The following ABLIM1 variants were observed in gnomAD, a reference collection of about 807,000 sequenced individuals.
The protein encoded by ABLIM1 is actin-binding LIM protein 1.
Under a neutral mutation model 107.0 loss-of-function variants are expected in ABLIM1, and 40 were observed. The ratio of observed to expected loss-of-function variants is 0.37; its 90% CI spans 0.29 to 0.49. The LOEUF (loss-of-function observed/expected upper bound fraction) is 0.49. ABLIM1 is among the 20% of genes least tolerant of loss of function. ABLIM1 has a pLI of 0.97. For missense variants in ABLIM1, 857 were observed against 1,008.5 expected (o/e 0.85, Z 2.04); for synonymous variants, 357 against 357.3 (o/e 1.00, Z 0.01).
At chr10:114,602,822 A>G (rs1223018271) in intron 1 of ABLIM1, among the ~76,000 whole-genome samples, 2 of 152,120 alleles carry the variant, frequency 1.3e-5, no homozygotes, top group African/African-American at 4.8e-5. Context: ...GCCTTCAGAG[A>G]CTAGAAGTTA....
At chr10:114,483,419 G>A (rs2057685725) in intron 8 of ABLIM1, among the ~76,000 whole-genome samples, 1 of 152,004 alleles carries the variant, frequency 6.6e-6, no homozygotes, top group Non-Finnish European at 1.5e-5. Flanking sequence ...ATACAGGCAC[G>A]CACCACCATC....
chr10:114,522,489 G>A (rs2063900751), intron 6 of ABLIM1, among the ~76,000 whole-genome samples: 1 of 152,208 alleles, frequency 6.6e-6, no homozygotes, highest in Non-Finnish European at 1.5e-5. Context: ...TTTCAAGTAT[G>A]TTTATTTGGA....
intron 1 of ABLIM1, among the ~76,000 whole-genome samples, chr10:114,657,182 A>G (rs2079563682): frequency 6.6e-6 from 1 of 152,236 alleles, no homozygotes; most frequent in Admixed American, 6.5e-5. Context: ...ATGACGAGGA[A>G]TGCGTTATGC....
intron 2 of ABLIM1, among the ~76,000 whole-genome samples, chr10:114,577,865 A>G (rs763245067): frequency 2.0e-5 from 3 of 152,176 alleles, no homozygotes; most frequent in Non-Finnish European, 4.4e-5. Context: ...GGCATATGCA[A>G]CAAGCAGTGA....
intron 7 of ABLIM1, among the ~76,000 whole-genome samples, chr10:114,491,012 G>GTGTGTGTATA: frequency 3.1e-4 from 29 of 92,378 alleles, no homozygotes; most frequent in Non-Finnish European, 3.7e-4. Flanking sequence ...GTGTGTGTGT[G>GTGTGTGTATA]TATATATATA....
At position 114,517,797 on chromosome 10, in the gene ABLIM1, G is replaced by A. The variant is rs569848378; in HGVS notation, c.895-25919C>T. Among the ~76,000 whole-genome samples, 6 of 152,226 alleles carry A rather than the reference G, an allele frequency of 3.9e-5. No individual in the cohort carries two copies. The East Asian group carries it at 1.2e-3, about 29-fold the overall frequency. On this transcript the variant is annotated intron_variant, in intron 6 of 22. Coordinates refer to ENST00000533213, the MANE Select transcript of ABLIM1 (RefSeq NM_002313.7). ...CAAATCTTTTATTAGCTCGTCACCT[G>A]TATGTGGTGCTGTGCTGGCAGAAAG...
chr10:114,499,419 C>T (rs1157309230), intron 6 of ABLIM1, among the ~76,000 whole-genome samples: 1 of 152,156 alleles, frequency 6.6e-6, no homozygotes, highest in African/African-American at 2.4e-5. Flanking sequence ...AAGGAATAAG[C>T]AAATTGTTTT....
intron 1 of ABLIM1, among the ~76,000 whole-genome samples, chr10:114,637,723 C>T (rs1289223449): frequency 6.6e-6 from 1 of 152,084 alleles, no homozygotes; most frequent in Non-Finnish European, 1.5e-5. Context: ...AATCATTTTC[C>T]TACAAGAGCA....
At chr10:114,485,208 T>A in intron 8 of ABLIM1, 1 of 995,848 alleles carries the variant, frequency 1.0e-6, no homozygotes, top group Non-Finnish European at 1.4e-6. Flanking sequence ...GCCGAAGAAG[T>A]TATGTGAGAA....
intron 12 of ABLIM1, chr10:114,465,483 A>T: frequency 2.1e-6 from 1 of 475,974 alleles, no homozygotes; most frequent in Non-Finnish European, 3.2e-6. Flanking sequence ...AAATATAATT[A>T]TTTAATAAAT....
At chr10:114,683,974 G>A (rs2080858838) in intron 1 of ABLIM1, among the ~76,000 whole-genome samples, 2 of 152,188 alleles carry the variant, frequency 1.3e-5, no homozygotes, top group Non-Finnish European at 2.9e-5. Context: ...CACAGTCACT[G>A]AAGATGCCTT....
chr10:114,484,782 A>T (rs2057930875), intron 8 of ABLIM1, among the ~76,000 whole-genome samples: 2 of 152,016 alleles, frequency 1.3e-5, no homozygotes, highest in East Asian at 3.9e-4. Context: ...CTTTCTCCTC[A>T]TCCCCTCATG....
intron 6 of ABLIM1, among the ~76,000 whole-genome samples, chr10:114,517,566 T>C (rs1352495949): frequency 6.6e-6 from 1 of 152,040 alleles, no homozygotes; most frequent in Non-Finnish European, 1.5e-5. Context: ...ATGATATCCT[T>C]AGGAACGAAT....
rs756377757 is a variant in ABLIM1, at chr10:114,473,013, G to C, written c.1239C>G (p.Gly413=). The C allele has an allele frequency of 6.2e-7, 1 of 1,608,272 alleles. No individual in the cohort carries two copies. Among genetic ancestry groups the C allele is most frequent in the Admixed American group, 1.7e-5 (1 of 59,492 alleles). ...TCTGTCTCTCCTGTTTGTCATCATAGCCCGAAGTGTAGAAAGGCTCATAGG... is the reference window on the plus strand; with the variant it reads ...TCTGTCTCTCCTGTTTGTCATCATACCCCGAAGTGTAGAAAGGCTCATAGG... ...LITYEPFYTS[G]YDDKQERQSL... is the part of the protein sequence containing the mutation. Residue 413 remains glycine (G), a synonymous_variant, in exon 10 of 23, where the codon GGC becomes GGG. Coordinates refer to ENST00000533213, the MANE Select transcript of ABLIM1 (RefSeq NM_002313.7).
intron 1 of ABLIM1, among the ~76,000 whole-genome samples, chr10:114,630,095 G>A (rs2078072657): frequency 6.6e-6 from 1 of 152,134 alleles, no homozygotes; most frequent in African/African-American, 2.4e-5. Flanking sequence ...TCTAAGCTTT[G>A]GGAAGTCTCC....
intron 5 of ABLIM1, among the ~76,000 whole-genome samples, chr10:114,546,022 A>C (rs1267752006): frequency 6.6e-6 from 1 of 151,420 alleles, no homozygotes; most frequent in Non-Finnish European, 1.5e-5. Context: ...CACATGCCAG[A>C]GTACAGCCTC....
chr10:114,766,186 T>C (rs774733463), intron 1 of ABLIM1, among the ~76,000 whole-genome samples: 1 of 152,228 alleles, frequency 6.6e-6, no homozygotes, highest in South Asian at 2.1e-4. Context: ...AGCTACTTGA[T>C]TGAGTCATTG....
intron 1 of ABLIM1, among the ~76,000 whole-genome samples, chr10:114,683,029 C>CATAG (rs2080811943): frequency 6.6e-6 from 1 of 152,196 alleles, no homozygotes; most frequent in East Asian, 1.9e-4. Flanking sequence ...TTGGAAAAGA[C>CATAG]ATAGCATCAT....
At chr10:114,699,495 G>A (rs2081265277) in intron 1 of ABLIM1, among the ~76,000 whole-genome samples, 1 of 152,066 alleles carries the variant, frequency 6.6e-6, no homozygotes, top group African/African-American at 2.4e-5. Flanking sequence ...GGTGTCTTCT[G>A]ACAGCAGTCA....
Sources: gnomAD v4.1 joint callset for allele counts (sites outside exome capture counted in the v4.1 genomes callset) on GRCh38, gnomAD v4.1.1 for gene constraint, MANE v1.5 for transcripts, NCBI Gene and HGNC (gene_info 2026-07-23, HGNC 2026-07-21) for gene names.